Variants in SWI5 observed in about 807,000 individuals in gnomAD.
The protein encoded by SWI5 is SWI5 homologous recombination repair protein.
SWI5 carries 12 observed loss-of-function variants against 17.0 expected under a neutral mutation model. The observed-to-expected ratio is 0.71, with a 90% CI of 0.45 to 1.14. SWI5 has a LOEUF of 1.14. Among genes scored for constraint, SWI5 ranks in the 50% most tolerant of loss-of-function variants. SWI5 has a pLI of 0.00. For missense variants in SWI5, 158 were observed against 162.2 expected (o/e 0.97, Z 0.14); for synonymous variants, 61 against 64.0 (o/e 0.95, Z 0.22).
chr9:128,281,519 C>T (rs570960811), intron 2 of SWI5, among the ~76,000 whole-genome samples: 23 of 152,306 alleles, frequency 1.5e-4, no homozygotes, highest in African/African-American at 5.3e-4. Flanking sequence ...AGTCCAGTTG[C>T]CCTGTTAGAC....
At chr9:128,288,064 C>T (rs1485817412) in intron 4 of SWI5, among the ~76,000 whole-genome samples, 5 of 151,834 alleles carry the variant, frequency 3.3e-5, no homozygotes, top group African/African-American at 7.3e-5. Flanking sequence ...GCTATGAAGG[C>T]GACAAAGGGC....
chr9:128,279,473 A>G (rs2416981), intron 2 of SWI5, among the ~76,000 whole-genome samples: 51,204 of 152,164 alleles, frequency 0.34, 11,812 homozygotes, highest in African/African-American at 0.66. Flanking sequence ...AGCAAGTCAC[A>G]TGATCGTGGG....
chr9:128,275,945 G>C (rs775035848), upstream of SWI5: 7 of 1,595,636 alleles, frequency 4.4e-6, no homozygotes, highest in East Asian at 1.4e-4. Flanking sequence ...CGACATCGCG[G>C]GGCGGGGAGG....
chr9:128,281,920 AT>A (rs1315216027), intron 2 of SWI5, among the ~76,000 whole-genome samples: 1 of 152,076 alleles, frequency 6.6e-6, no homozygotes, highest in Non-Finnish European at 1.5e-5. Flanking sequence ...AAAAAATAAA[AT>A]TTTTCAAAAA....
chr9:128,279,701 G>A (rs931872026), intron 2 of SWI5, among the ~76,000 whole-genome samples: 1 of 152,218 alleles, frequency 6.6e-6, no homozygotes, highest in South Asian at 2.1e-4. Flanking sequence ...CCCACAGGGA[G>A]GGGTTTAGGC....
chr9:128,280,899 T>G (rs2131418381), intron 2 of SWI5, among the ~76,000 whole-genome samples: 1 of 152,264 alleles, frequency 6.6e-6, no homozygotes, highest in African/African-American at 2.4e-5. Flanking sequence ...CGAACACATG[T>G]GCTGTCTCCT....
intron 2 of SWI5, among the ~76,000 whole-genome samples, chr9:128,279,281 G>T (rs1031194118): frequency 1.3e-5 from 2 of 152,174 alleles, no homozygotes; most frequent in African/African-American, 4.8e-5. Flanking sequence ...ACAAGAGATT[G>T]TAAGAAATAA....
chr9:128,276,301 T>C (rs983746553), exon 1 of SWI5: 15 of 1,612,792 alleles, frequency 9.3e-6, no homozygotes, highest in East Asian at 4.5e-5. Flanking sequence ...TCAGAGTTCC[T>C]GGCCCGGTGC....
At chr9:128,282,127 G>A (rs963625004) in intron 2 of SWI5, among the ~76,000 whole-genome samples, 2 of 152,284 alleles carry the variant, frequency 1.3e-5, no homozygotes, top group East Asian at 1.9e-4. Context: ...GGTGGCTCAC[G>A]CCTGTAATCC....
upstream of SWI5, chr9:128,275,494 G>A (rs1291996267): frequency 1.3e-5 from 17 of 1,306,828 alleles, no homozygotes; most frequent in Middle Eastern, 8.1e-4. Context: ...GGGGCGGCAG[G>A]AGGTGAGGGT....
At chr9:128,275,619 G>A (rs1385912292), upstream of SWI5, 1 of 810,348 alleles carries the variant, frequency 1.2e-6, no homozygotes, top group Non-Finnish European at 1.8e-6. Flanking sequence ...AGCCCAGGGA[G>A]GTCGGACTTC....
Position 128,285,830 on chromosome 9 carries a change from C to T in SWI5, c.234-109C>T. ...CTTGCTGTCACCATATCCCTAGTAC[C>T]TATCACCGAGTAGGCCATTACAGAT... On this transcript the variant is annotated intron_variant, in intron 3 of 4. Coordinates refer to ENST00000418976, the Ensembl canonical transcript of SWI5. The surrounding 1 kb of genome is among the most constrained non-coding windows in gnomAD (Gnocchi z 4.8). The T allele has an allele frequency of 2.8e-6, 2 of 717,228 alleles. No homozygotes were observed. The highest frequency in any genetic ancestry group is 2.5e-6 in the Non-Finnish European group (1 of 401,180). The allele number at this position is 717,228 out of a possible 1,614,324, so 44.4% of individuals were successfully genotyped here.
At chr9:128,278,561 C>T (rs1456351481) in intron 2 of SWI5, 1 of 442,188 alleles carries the variant, frequency 2.3e-6, no homozygotes, top group Admixed American at 2.6e-5. Flanking sequence ...GAAACTCCAT[C>T]TCAAAAAAAA....
Position 128,285,876 on chromosome 9 carries a change from TG to T in SWI5, c.234-59del. On this transcript the variant is annotated intron_variant, in intron 3 of 4. Transcript: ENST00000418976. This position sits in a 1 kb window ranked among gnomAD's most constrained non-coding sequence, Gnocchi z 4.8. ...CAGATGCCTTATTACTATCTGAGCC[TG>T]GGGCCATCATCTGCTTTCTTAACTG... 8.8e-7 allele frequency: 1 copy of T among 1,139,380 alleles called. No individual in the cohort carries two copies. Among genetic ancestry groups the T allele is most frequent in the Non-Finnish European group, 1.3e-6 (1 of 751,570 alleles). The allele number at this position is 1,139,380 out of a possible 1,614,324, so 70.6% of individuals were successfully genotyped here. A position where few individuals can be genotyped will look rare whatever the true frequency, so the allele number is the denominator to read the frequency against.
exon 3 of SWI5, chr9:128,284,530 C>G: frequency 6.2e-7 from 1 of 1,613,612 alleles, no homozygotes; most frequent in South Asian, 1.1e-5. Flanking sequence ...CCAAGTCTGG[C>G]CAGGCTGATG....
Position 128,287,557 on chromosome 9 carries a change from CTT to C in SWI5, c.329-1077_329-1076del, listed in dbSNP as rs754816266. 4.0e-3 allele frequency among the ~76,000 whole-genome samples: 495 copies of C among 122,984 alleles called. 4 individuals carry two copies. The highest frequency in any genetic ancestry group is 0.016 in the African/African-American group (453 of 29,204). The allele number at this position is 122,984 out of a possible 152,430, so 80.7% of individuals were successfully genotyped here. ...ATGACCTGGAGCCAGTGGCCTATCC[CTT>C]TTTTTTTTTTTTTTTTTCGTTAGAC... On this transcript the variant is annotated intron_variant, in intron 4 of 4. Transcript: ENST00000418976.
At chr9:128,275,384 C>A, upstream of SWI5, 1 of 1,286,128 alleles carries the variant, frequency 7.8e-7, no homozygotes, top group Non-Finnish European at 9.9e-7. Context: ...AACATCAGCG[C>A]GACGTCCAAG....
chr9:128,276,843 A>G, intron 2 of SWI5, 88 bp downstream of exon 2: 1 of 1,379,408 alleles, frequency 7.2e-7, no homozygotes, highest in South Asian at 1.3e-5. Flanking sequence ...AACAGCAGCC[A>G]ATCCCCGCTT....
chr9:128,276,204 G>C (rs1487180438), upstream of SWI5: 2 of 1,604,984 alleles, frequency 1.2e-6, no homozygotes, highest in African/African-American at 2.7e-5. Flanking sequence ...GCACGCAACC[G>C]CTGTCCCCGC....
Sources: allele counts gnomAD v4.1 joint callset (sites outside exome capture counted in the v4.1 genomes callset), GRCh38; gene constraint gnomAD v4.1.1; non-coding constraint Gnocchi (gnomAD v3.1); transcripts MANE v1.5; gene names NCBI Gene and HGNC (gene_info 2026-07-23, HGNC 2026-07-21).